TGM7: variants seen among roughly 807,000 people sequenced by gnomAD.
TGM7 encodes the protein transglutaminase 7, also known as protein-glutamine gamma-glutamyltransferase Z.
A neutral mutation model predicts 79.5 loss-of-function variants in TGM7; 74 were observed. The observed-to-expected ratio is 0.93, with a 90% CI of 0.77 to 1.13. The LOEUF is 1.13. Ranked by LOEUF, TGM7 falls within the 50% of genes most tolerant of loss-of-function variation. TGM7 has a pLI of 0.00. For synonymous variants in TGM7, 354 were observed against 362.5 expected (o/e 0.98, Z 0.27); for missense variants, 912 against 905.9 (o/e 1.01, Z -0.09).
In TGM7 at chr15:43,276,505, C is replaced by T; in HGVS notation, c.2083G>A (p.Glu695Lys). ...QVLISSNEVK[E>K]IKGYKDIFVT... ...AAGATGTCCTTGTAGCCTTTGATCT[C>T]CTTGACCTCGTTGCTGCTGATGAGA... Residue 695 changes from glutamate (E) to lysine (K), a missense_variant, in exon 13 of 13, where the codon GAG (glutamate) becomes AAG (lysine). Physicochemically the swap from Glu to Lys is moderately conservative, Grantham distance 56. Coordinates refer to ENST00000452443, the MANE Select transcript of TGM7 (RefSeq NM_052955.3). 1 of 1,614,126 alleles carries T rather than the reference C, an allele frequency of 6.2e-7. No individual in the cohort carries two copies. Among genetic ancestry groups the T allele is most frequent in the Non-Finnish European group, 8.5e-7 (1 of 1,180,012 alleles).
In TGM7 at chr15:43,292,905, G is replaced by C. The variant is rs1398792382; in HGVS notation, c.243C>G (p.Thr81=). The change falls in exon 3 of 13, where the codon ACC becomes ACG. Residue 81 remains threonine, a synonymous_variant. Transcript: ENST00000452443. ...TCCAGACATTCCCGGGCTGGACCCG[G>C]GTGAGGAAGAATGTGGCTCGGGTCC... ...LLGTRATFFL[T]RVQPGNVWSA... 2 of 1,613,848 alleles carry C rather than the reference G, an allele frequency of 1.2e-6. No individual in the cohort carries two copies. The highest frequency in any genetic ancestry group is 3.3e-5 in the Admixed American group (2 of 60,018).
Position 43,287,608 on chromosome 15 carries a change from T to C in TGM7, c.620A>G (p.Lys207Arg). The change falls in exon 5 of 13, where the codon AAG (lysine) becomes AGG (arginine). Residue 207 changes from lysine to arginine, a missense_variant. Coordinates refer to ENST00000452443, the MANE Select transcript of TGM7 (RefSeq NM_052955.3). ...EILNKSLYHL[K>R]NPAKDCSQRN... Reference sequence around the variant, plus strand: ...CTGGGAACAGTCTTTGGCCGGGTTCTTTAAGTGATACAGGCTCTTGTTCAG... The same window carrying C: ...CTGGGAACAGTCTTTGGCCGGGTTCCTTAAGTGATACAGGCTCTTGTTCAG... 2.5e-6 allele frequency: 4 copies of C among 1,614,172 alleles called. No homozygotes were observed. Among genetic ancestry groups the C allele is most frequent in the Non-Finnish European group, 3.4e-6 (4 of 1,180,034 alleles).
rs868191989 is a variant in TGM7 at position 43,279,011 on chromosome 15, C to T, written c.1839+106G>A. ...CCACACCATACTGTGCTGGAGCCAT[C>T]GGTGTGGTGAGAGGTGGGAACAGTG... On this transcript the variant is annotated intron_variant, in intron 11 of 12. Coordinates refer to ENST00000452443, the MANE Select transcript of TGM7 (RefSeq NM_052955.3). 88 of 1,229,886 alleles carry T rather than the reference C, an allele frequency of 7.2e-5. No homozygotes were observed. The Middle Eastern group carries it at 1.4e-3, about 20-fold the overall frequency. The allele number at this position is 1,229,886 out of a possible 1,614,324, so 76.2% of individuals were successfully genotyped here. A position where few individuals can be genotyped will look rare whatever the true frequency, so the allele number is the denominator to read the frequency against.
intron 1 of TGM7, among the ~76,000 whole-genome samples, chr15:43,295,547 C>A (rs485148): frequency 6.6e-6 from 1 of 151,888 alleles, no homozygotes; most frequent in Non-Finnish European, 1.5e-5. Context: ...CCAGGATTGC[C>A]CCATTGCACT....
intron 11 of TGM7, among the ~76,000 whole-genome samples, chr15:43,277,280 T>A (rs1192001365): frequency 2.0e-5 from 3 of 152,070 alleles, no homozygotes; most frequent in Admixed American, 6.5e-5. Context: ...TCCACAAGAT[T>A]TAAATGGAAG....
In TGM7 at chr15:43,292,853, T is replaced by G. The variant is rs762471717; in HGVS notation, c.295A>C (p.Asn99His). ...GTGAAAAGGGAAACTTGGAGAGAGT[T>G]GGAGTCAATGGTGAAATCAGAAGCG... ...WSASDFTIDS[N>H]SLQVSLFTPA... is the part of the protein sequence containing the mutation. The change falls in exon 3 of 13, where the codon AAC (asparagine) becomes CAC (histidine). Residue 99 changes from asparagine (N) to histidine (H), a missense_variant. Physicochemically the swap from Asn to His is moderately conservative, Grantham distance 68. Transcript: ENST00000452443. 3.0e-5 allele frequency: 49 copies of G among 1,613,908 alleles called. No individual in the cohort carries two copies. Among genetic ancestry groups the G allele is most frequent in the Non-Finnish European group, 3.8e-5 (45 of 1,180,046 alleles).
rs139097536 is a variant in TGM7 at position 43,292,744 on chromosome 15, C to G, written c.404G>C (p.Gly135Ala). ...GQGHSVTYPLGTFILLFNPWS... is the reference protein window; with the variant it reads ...GQGHSVTYPLATFILLFNPWS... ...AGGGTTAAAAAGTAGGATGAAAGTT[C>G]CCAGCGGGTAAGTCACACTGTGACC... is the stretch of plus-strand genomic sequence containing the variant. Residue 135 changes from glycine (G) to alanine (A), a missense_variant, in exon 3 of 13, where the codon GGA becomes GCA. Transcript: ENST00000452443. 17 of 1,614,006 alleles carry G rather than the reference C, an allele frequency of 1.1e-5. No individual in the cohort carries two copies. The highest frequency in any genetic ancestry group is 1.4e-5 in the Non-Finnish European group (16 of 1,180,048).
intron 10 of TGM7, 127 bp downstream of exon 10, chr15:43,279,498 C>T: frequency 7.6e-7 from 1 of 1,313,632 alleles, no homozygotes; most frequent in Non-Finnish European, 1.0e-6. Context: ...GGCAGCTTCA[C>T]TGCCCAGAAT....
intron 6 of TGM7, among the ~76,000 whole-genome samples, 180 bp from the exon 7 acceptor site, chr15:43,285,132 G>A (rs1475350717): frequency 6.6e-6 from 1 of 152,192 alleles, no homozygotes; most frequent in African/African-American, 2.4e-5. Context: ...TGCCCCATCA[G>A]TGATCAACAT....
At chr15:43,291,456 G>A (rs1467897462) in intron 4 of TGM7, among the ~76,000 whole-genome samples, 1 of 152,220 alleles carries the variant, frequency 6.6e-6, no homozygotes, top group African/African-American at 2.4e-5. Context: ...ACATCTAAAT[G>A]AATGAACATG....
chr15:43,280,125 G>C (rs1361653488), intron 9 of TGM7, among the ~76,000 whole-genome samples, 174 bp from the exon 10 acceptor site: 6 of 152,164 alleles, frequency 3.9e-5, no homozygotes, highest in Non-Finnish European at 8.8e-5. Flanking sequence ...TCAGTGTTCT[G>C]TTCTGTCATC....
At chr15:43,282,483 A>G (rs1404400948) in intron 8 of TGM7, 34 bp downstream of exon 8, 3 of 1,538,364 alleles carry the variant, frequency 2.0e-6, no homozygotes, top group Non-Finnish European at 1.8e-6. Context: ...GCCTCCCCAC[A>G]GAGCCAGAGC....
chr15:43,290,666 T>C (rs1480524719), intron 4 of TGM7, among the ~76,000 whole-genome samples: 1 of 152,212 alleles, frequency 6.6e-6, no homozygotes, highest in East Asian at 1.9e-4. Flanking sequence ...AGTATGGCCA[T>C]TTTCACAGTA....
At chr15:43,288,759 G>A (rs543054738) in intron 4 of TGM7, among the ~76,000 whole-genome samples, 6 of 152,110 alleles carry the variant, frequency 3.9e-5, no homozygotes, top group Admixed American at 6.5e-5. Flanking sequence ...GTGAAACCCC[G>A]TCTCTACTAA....
intron 1 of TGM7, among the ~76,000 whole-genome samples, chr15:43,293,974 G>A (rs1208280124): frequency 6.6e-6 from 1 of 151,210 alleles, no homozygotes; most frequent in Non-Finnish European, 1.5e-5. Context: ...TGAATTCCAT[G>A]TCTGGACCTG....
At chr15:43,285,101 C>T in intron 6 of TGM7, 149 bp from the exon 7 acceptor site, 1 of 756,926 alleles carries the variant, frequency 1.3e-6, no homozygotes, top group Non-Finnish European at 2.2e-6. Flanking sequence ...CAGAGCCCCA[C>T]ACCCAGTCCC....
At chr15:43,284,596 T>C (rs2142407324) in intron 7 of TGM7, among the ~76,000 whole-genome samples, 1 of 152,244 alleles carries the variant, frequency 6.6e-6, no homozygotes, top group East Asian at 1.9e-4. Context: ...GGCCCCAGAA[T>C]GTTATCCCAT....
chr15:43,279,431 C>T (rs972917944), intron 10 of TGM7, among the ~76,000 whole-genome samples, 154 bp from the exon 11 acceptor site: 1 of 152,198 alleles, frequency 6.6e-6, no homozygotes, highest in Non-Finnish European at 1.5e-5. Flanking sequence ...CACACACTGT[C>T]CCCAGGGCTC....
At chr15:43,298,635 C>T (rs1032254680) in intron 1 of TGM7, among the ~76,000 whole-genome samples, 14 of 152,140 alleles carry the variant, frequency 9.2e-5, no homozygotes, top group African/African-American at 3.1e-4. Flanking sequence ...TGCCTGTAGT[C>T]CCAGCTGCTT....
Sources: allele counts gnomAD v4.1 joint callset (sites outside exome capture counted in the v4.1 genomes callset), GRCh38; gene constraint gnomAD v4.1.1; transcripts MANE v1.5; gene names NCBI Gene and HGNC (gene_info 2026-07-23, HGNC 2026-07-21).